Variants in NCKAP5 observed in about 807,000 individuals in gnomAD.
NCKAP5 encodes nck-associated protein 5.
In NCKAP5, 92 loss-of-function variants were observed where a neutral mutation model predicts 167.0. That is an observed-to-expected ratio of 0.55 (90% CI 0.47 to 0.66). The LOEUF is 0.66. NCKAP5 is among the 30% of genes least tolerant of loss of function. The probability of loss-of-function intolerance (pLI) is 0.00; values close to 1 mark genes in which losing one functional copy is unlikely to be tolerated. For missense variants in NCKAP5, 2,378 were observed against 2,315.0 expected, an observed-to-expected ratio of 1.03 and a Z score of -0.56; for synonymous variants, 891 against 877.4, an observed-to-expected ratio of 1.02 and a Z score of -0.27.
intron 11 of NCKAP5, among the ~76,000 whole-genome samples, chr2:132,837,329 T>A (rs953905166): frequency 6.6e-6 from 1 of 152,070 alleles, no homozygotes; most frequent in African/African-American, 2.4e-5. Context: ...TTCCCTCTAT[T>A]TTTTTCCTAT....
In NCKAP5 at chr2:132,782,864, T is replaced by G; in HGVS notation, c.3947A>C (p.Asn1316Thr). The G allele has an allele frequency of 6.2e-7, 1 of 1,613,592 alleles. No homozygotes were observed. The highest frequency in any genetic ancestry group is 8.5e-7 in the Non-Finnish European group (1 of 1,179,790). ...AERGNSLTRQ[N>T]SSTESSPNKA... ...GTTGGGAGAGCTTTCCGTGGAAGAG[T>G]TCTGCCGGGTAAGAGAATTGCCTCT... The change falls in exon 14 of 20, where the codon AAC (asparagine) becomes ACC (threonine). Residue 1316 changes from asparagine to threonine, a missense_variant. Physicochemically the swap from Asn to Thr is moderately conservative, Grantham distance 65. Around this residue, in one of 3 missense-constraint regions of NCKAP5, gnomAD observed 1,325 missense variants for 1,274.5 expected, o/e 1.04. Coordinates refer to ENST00000409261, the MANE Select transcript of NCKAP5 (RefSeq NM_207363.3).
At chr2:132,915,398 T>A (rs933013340) in intron 8 of NCKAP5, among the ~76,000 whole-genome samples, 6 of 152,078 alleles carry the variant, frequency 3.9e-5, no homozygotes, top group Non-Finnish European at 1.5e-5. Context: ...GCTGCTCTAG[T>A]CACCAAAATC....
At chr2:132,880,325 G>GT (rs1350636256) in intron 8 of NCKAP5, among the ~76,000 whole-genome samples, 1 of 152,102 alleles carries the variant, frequency 6.6e-6, no homozygotes, top group Admixed American at 6.6e-5. Context: ...AACATGAAGT[G>GT]TTACTAACAC....
intron 11 of NCKAP5, among the ~76,000 whole-genome samples, chr2:132,821,209 C>A (rs950294652): frequency 2.0e-5 from 3 of 152,126 alleles, no homozygotes; most frequent in African/African-American, 7.2e-5. Flanking sequence ...TGTGAGTTCC[C>A]AAAGCGTGAG....
intron 7 of NCKAP5, among the ~76,000 whole-genome samples, chr2:132,973,991 A>G (rs1211670510): frequency 6.6e-6 from 1 of 152,162 alleles, no homozygotes; most frequent in Admixed American, 6.5e-5. Context: ...TATTATTACT[A>G]ACTCTGGTGG....
intron 4 of NCKAP5, among the ~76,000 whole-genome samples, chr2:133,232,254 C>T (rs1322494158): frequency 6.6e-6 from 1 of 152,024 alleles, no homozygotes; most frequent in South Asian, 2.1e-4. Context: ...GAGTTCAAGG[C>T]CAGCCTGAAC....
chr2:133,545,853 G>C (rs1312807708), intron 2 of NCKAP5, among the ~76,000 whole-genome samples: 1 of 152,134 alleles, frequency 6.6e-6, no homozygotes, highest in African/African-American at 2.4e-5. Flanking sequence ...AATGACATTG[G>C]AGAAAATGAT....
chr2:133,372,990 A>G (rs909308763), intron 3 of NCKAP5, among the ~76,000 whole-genome samples: 41 of 152,334 alleles, frequency 2.7e-4, no homozygotes, highest in African/African-American at 9.1e-4. Flanking sequence ...AGTGGAGGTG[A>G]TTCTAATGCA....
At chr2:133,471,931 A>G (rs146334390) in intron 3 of NCKAP5, among the ~76,000 whole-genome samples, 7 of 152,348 alleles carry the variant, frequency 4.6e-5, no homozygotes, top group African/African-American at 1.7e-4. Flanking sequence ...GTCATTGATC[A>G]TAAACTTTTA....
At chr2:132,993,074 G>C (rs2077492402) in intron 7 of NCKAP5, among the ~76,000 whole-genome samples, 1 of 152,148 alleles carries the variant, frequency 6.6e-6, no homozygotes, top group Non-Finnish European at 1.5e-5. Flanking sequence ...CACAAATTCA[G>C]GTAAGCTAAT....
At chr2:132,780,996 C>T (rs1411785410) in intron 15 of NCKAP5, 56 bp downstream of exon 15, 6 of 1,548,708 alleles carry the variant, frequency 3.9e-6, no homozygotes, top group Non-Finnish European at 5.3e-6. Context: ...GTAGAAAGAC[C>T]CCAGCCAGAA....
At chr2:133,614,015 C>G in the NCKAP5 span, among the ~76,000 whole-genome samples, 2 of 152,122 alleles carry the variant, frequency 1.3e-5, no homozygotes, top group South Asian at 4.1e-4. Flanking sequence ...GCTTGCAGCC[C>G]CTGCTCGGAT....
intron 6 of NCKAP5, among the ~76,000 whole-genome samples, chr2:133,056,088 TTA>T: frequency 6.6e-6 from 1 of 152,166 alleles, no homozygotes; most frequent in South Asian, 2.1e-4. Context: ...GGCAGGAAAG[TTA>T]TATGATTGAA....
At chr2:132,860,747 A>G in intron 10 of NCKAP5, 136 bp from the exon 11 acceptor site, 1 of 1,174,218 alleles carries the variant, frequency 8.5e-7, no homozygotes. Context: ...GAAGTAAATC[A>G]CATACGTTTT....
At chr2:133,389,501 G>T (rs925447147) in intron 3 of NCKAP5, among the ~76,000 whole-genome samples, 2 of 152,192 alleles carry the variant, frequency 1.3e-5, no homozygotes, top group Admixed American at 6.5e-5. Context: ...CCAGGGAAAA[G>T]TTCCTAACGT....
At chr2:133,404,278 A>G (rs778323018) in intron 3 of NCKAP5, among the ~76,000 whole-genome samples, 4 of 152,228 alleles carry the variant, frequency 2.6e-5, no homozygotes, top group Non-Finnish European at 4.4e-5. Context: ...GATCACAATT[A>G]TATGCAAAAC....
At chr2:133,221,152 A>G (rs1411135515) in intron 4 of NCKAP5, among the ~76,000 whole-genome samples, 2 of 152,208 alleles carry the variant, frequency 1.3e-5, no homozygotes, top group Admixed American at 1.3e-4. Context: ...TGATCTTTCC[A>G]GGAAAATAAA....
chr2:132,832,131 A>G, intron 11 of NCKAP5, among the ~76,000 whole-genome samples: 1 of 152,028 alleles, frequency 6.6e-6, no homozygotes, highest in Non-Finnish European at 1.5e-5. Flanking sequence ...ATTTTCTTCC[A>G]GTTCTTGTCA....
At chr2:133,190,209 A>G (rs780044957) in intron 5 of NCKAP5, among the ~76,000 whole-genome samples, 50 of 152,256 alleles carry the variant, frequency 3.3e-4, no homozygotes, top group Non-Finnish European at 6.5e-4. Context: ...TAGGAATCCA[A>G]CTTACAAGGG....
Sources: allele counts gnomAD v4.1 joint callset (sites outside exome capture counted in the v4.1 genomes callset), GRCh38; gene constraint gnomAD v4.1.1; regional missense constraint gnomAD v4.1.1; transcripts MANE v1.5; gene names NCBI Gene and HGNC (gene_info 2026-07-23, HGNC 2026-07-21).